Variants in EIF3C observed in about 807,000 individuals in gnomAD.
EIF3C encodes eukaryotic translation initiation factor 3 subunit C.
EIF3C carries 2 observed loss-of-function variants against 11.1 expected under a neutral mutation model. The observed-to-expected ratio is 0.18, with a 90% confidence interval of 0.07 to 0.57. The LOEUF is 0.57. EIF3C is among the 20% of genes least tolerant of loss of function. The pLI is 0.92. For synonymous variants in EIF3C, 2 were observed against 41.5 expected (o/e 0.05, Z 3.66); for missense variants, 16 against 114.6 (o/e 0.14, Z 3.93).
At chr16:28,696,995 A>C (rs1596702629) in intron 1 of EIF3C, among the ~76,000 whole-genome samples, 1 of 30,882 alleles carries the variant, frequency 3.2e-5, no homozygotes. Flanking sequence ...ACAGAGTCTC[A>C]CTCCTGTTGC....
intron 1 of EIF3C, among the ~76,000 whole-genome samples, chr16:28,691,114 G>A (rs1421799573): frequency 1.2e-4 from 2 of 17,220 alleles, no homozygotes; most frequent in African/African-American, 7.4e-4. Flanking sequence ...GACGGAGCTT[G>A]CAGTGAGCCG....
rs377751448 is a variant in EIF3C, at chr16:28,703,882, CA to C, written c.-30-7762del. Among the ~76,000 whole-genome samples, 64 of 31,512 alleles carry C rather than the reference CA, an allele frequency of 2.0e-3. 2 individuals carry two copies. Among genetic ancestry groups the C allele is most frequent in the Admixed American group, 2.1e-3 (6 of 2,814 alleles). The allele number at this position is 31,512 out of a possible 152,430, so 20.7% of individuals were successfully genotyped here. On this transcript the variant is annotated intron_variant, in intron 1 of 20. Transcript: ENST00000566501. ...CATGGAGGACACAATGAGACTCCAT[CA>C]AAAAAAAAAAAATCTACAGGAGAAT...
At chr16:28,698,219 T>C (rs1461146580) in intron 1 of EIF3C, among the ~76,000 whole-genome samples, 1 of 109,170 alleles carries the variant, frequency 9.2e-6, no homozygotes, top group African/African-American at 3.6e-5. Context: ...GAGGCGCCCC[T>C]CACCTCCCGG....
intron 15 of EIF3C, among the ~76,000 whole-genome samples, chr16:28,727,858 G>T (rs1365635702): frequency 9.0e-6 from 1 of 111,312 alleles, no homozygotes; most frequent in Non-Finnish European, 2.1e-5. Context: ...GGTGGTGTTG[G>T]TCTTTTTTTG....
rs1309150392 is a variant in EIF3C at position 28,699,575 on chromosome 16, G to A, written c.-31+10747G>A. On this transcript the variant is annotated intron_variant, in intron 1 of 20. Transcript: ENST00000566501. The stretch of plus-strand genomic sequence containing the variant: ...CTTTTTTTTTTGGAGACGGAGTCTC[G>A]CTCTGTTGCTCAGACTGGAGTGCAG... Among the ~76,000 whole-genome samples the A allele has an allele frequency of 8.9e-5, 9 of 101,242 alleles. 1 individual carries two copies. Among genetic ancestry groups the A allele is most frequent in the Non-Finnish European group, 1.6e-4 (8 of 51,596 alleles). The allele number at this position is 101,242 out of a possible 152,430, so 66.4% of individuals were successfully genotyped here.
In EIF3C at chr16:28,728,521, G is replaced by GGGT. The variant is rs1555491254; in HGVS notation, c.1818+1277_1818+1278insGTG. Among the ~76,000 whole-genome samples, 33 of 86,938 alleles carry GGGT rather than the reference G, an allele frequency of 3.8e-4. 4 individuals carry two copies. The highest frequency in any genetic ancestry group is 8.7e-4 in the Admixed American group (7 of 8,042). 57.0% of individuals were successfully genotyped at this position (86,938 alleles called of 152,430 possible). ...GGTGTGTGTGTGTGTATCTTTTAGG[G>GGGT]GTGTGTGTGTGTGTGTGTGTGTGTG... On this transcript the variant is annotated intron_variant, in intron 15 of 20. Coordinates refer to ENST00000331666, the MANE Select transcript of EIF3C (RefSeq NM_003752.5).
intron 8 of EIF3C, chr16:28,722,527 A>G (rs2048339542): frequency 1.3e-5 from 1 of 75,912 alleles, no homozygotes; most frequent in African/African-American, 4.6e-5. Context: ...TAAAAAAGAA[A>G]AAAATGTTTT....
At chr16:28,698,273 C>T (rs2151787200) in intron 1 of EIF3C, among the ~76,000 whole-genome samples, 1 of 124,886 alleles carries the variant, frequency 8.0e-6, no homozygotes, top group African/African-American at 3.1e-5. Context: ...CCCCATCTCC[C>T]TCCCGGACGG....
intron 1 of EIF3C, chr16:28,700,525 A>T (rs573940803): frequency 3.1e-6 from 1 of 317,682 alleles, no homozygotes; most frequent in African/African-American, 3.8e-5. Flanking sequence ...CGTCACCTCC[A>T]CGGGTTCCAG....
intron 8 of EIF3C, among the ~76,000 whole-genome samples, chr16:28,718,927 G>GTC (rs2048333485): frequency 2.5e-5 from 1 of 40,232 alleles, no homozygotes; most frequent in Non-Finnish European, 4.0e-5. Context: ...CAGCCTTAAA[G>GTC]TTAAATTTAA....
rs186083413 is a variant in EIF3C, at chr16:28,700,605, G to A, written c.-30-11052G>A. ...CCTGCTCCACCTGCTTTCTAGACGC[G>A]CAGCTTGGCGCAGCCCCGCACAGGC... On this transcript the variant is annotated intron_variant, in intron 1 of 20. Transcript: ENST00000566501. 3 of 259,016 alleles carry A rather than the reference G, an allele frequency of 1.2e-5. 1 individual carries two copies. The highest frequency in any genetic ancestry group is 1.1e-4 in the South Asian group (2 of 18,334). The allele number at this position is 259,016 out of a possible 1,614,324, so 16.0% of individuals were successfully genotyped here. A position where few individuals can be genotyped will look rare whatever the true frequency, so the allele number is the denominator to read the frequency against.
rs1302610184 is a variant in EIF3C at position 28,697,864 on chromosome 16, G to C, written c.-31+9036G>C. On this transcript the variant is annotated intron_variant, in intron 1 of 20. Coordinates refer to the EIF3C transcript ENST00000566501. ...TCCCGGACGGGGCGGCTGGCCGGGCGGGGGGCTGACCCCCCAACCTCCCTC... is the reference window on the plus strand; with the variant it reads ...TCCCGGACGGGGCGGCTGGCCGGGCCGGGGGCTGACCCCCCAACCTCCCTC... Among the ~76,000 whole-genome samples, 4 of 83,348 alleles carry C rather than the reference G, an allele frequency of 4.8e-5. 1 individual carries two copies. The highest frequency in any genetic ancestry group is 9.1e-5 in the Non-Finnish European group (4 of 44,108). The allele number at this position is 83,348 out of a possible 152,430, so 54.7% of individuals were successfully genotyped here.
chr16:28,731,211 T>C (rs2048447107), intron 15 of EIF3C, among the ~76,000 whole-genome samples: 1 of 24,630 alleles, frequency 4.1e-5, no homozygotes, highest in Non-Finnish European at 8.0e-5. Context: ...TGGCATCTTT[T>C]CCCAGCCCTA....
At chr16:28,693,073 C>CCAGTAGCA (rs768737117) in intron 1 of EIF3C, among the ~76,000 whole-genome samples, 5,061 of 43,752 alleles carry the variant, frequency 0.12, 1 homozygote, top group Non-Finnish European at 0.15. Flanking sequence ...AACTGCAGTT[C>CCAGTAGCA]CAGTAGCATT....
chr16:28,698,355 C>T (rs2048255643), intron 1 of EIF3C, among the ~76,000 whole-genome samples: 1 of 99,304 alleles, frequency 1.0e-5, no homozygotes, highest in Non-Finnish European at 2.0e-5. Context: ...CCTCACCTCC[C>T]GGACGGGGCG....
intron 13 of EIF3C, among the ~76,000 whole-genome samples, chr16:28,725,791 TTAAGA>T (rs1321033808): frequency 2.3e-5 from 1 of 42,820 alleles, no homozygotes; most frequent in African/African-American, 1.0e-4. Flanking sequence ...TAGTATGATG[TTAAGA>T]TAATTCTGGG....
chr16:28,698,460 C>G (rs1280516436), intron 1 of EIF3C, among the ~76,000 whole-genome samples: 1 of 74,410 alleles, frequency 1.3e-5, no homozygotes, highest in Non-Finnish European at 2.4e-5. Context: ...TCCCGGATGG[C>G]ACGGCTGGCC....
rs1397323399 is a variant in EIF3C at position 28,697,815 on chromosome 16, G to C, written c.-31+8987G>C. Among the ~76,000 whole-genome samples, 2 of 95,192 alleles carry C rather than the reference G, an allele frequency of 2.1e-5. 1 individual carries two copies. Among genetic ancestry groups the C allele is most frequent in the Non-Finnish European group, 3.9e-5 (2 of 51,222 alleles). 62.4% of individuals were successfully genotyped at this position (95,192 alleles called of 152,430 possible). A position where few individuals can be genotyped will look rare whatever the true frequency, so the allele number is the denominator to read the frequency against. ...CCGGATGGGGCGGCTCGCCGGGCAG[G>C]GGGGCTGACCCCCCCCACCTCCCTC... On this transcript the variant is annotated intron_variant, in intron 1 of 20. Transcript: ENST00000566501.
rs1041567121 is a variant in EIF3C at position 28,729,835 on chromosome 16, C to G, written c.1819-1994C>G. Reference sequence around the variant, plus strand: ...ACTAGTCAGGCATAGTGGTGCACGCCTGTAGTCCCACCTACTCAGGAGGCT... The same window carrying G: ...ACTAGTCAGGCATAGTGGTGCACGCGTGTAGTCCCACCTACTCAGGAGGCT... On this transcript the variant is annotated intron_variant, in intron 15 of 20. Coordinates refer to ENST00000331666, the MANE Select transcript of EIF3C (RefSeq NM_003752.5). Among the ~76,000 whole-genome samples the G allele has an allele frequency of 6.7e-5, 10 of 149,580 alleles. 1 individual carries two copies. The highest frequency in any genetic ancestry group is 1.0e-4 in the Non-Finnish European group (7 of 67,270).
Sources: allele counts gnomAD v4.1 joint callset (sites outside exome capture counted in the v4.1 genomes callset), GRCh38; gene constraint gnomAD v4.1.1; transcripts MANE v1.5; gene names NCBI Gene and HGNC (gene_info 2026-07-23, HGNC 2026-07-21).